The following DRC8 variants were observed in gnomAD, a reference collection of about 807,000 sequenced individuals.
DRC8 encodes dynein regulatory complex protein 8.
the DRC8 span, among the ~76,000 whole-genome samples, chr1:245,068,509 A>G: frequency 6.6e-6 from 1 of 152,006 alleles, no homozygotes; most frequent in Non-Finnish European, 1.5e-5. Flanking sequence ...TGGCAAGATC[A>G]TAGCTCACTG....
At chr1:245,118,809 A>AGAAAAGAAAAGAAAAGAAAG in the DRC8 span, among the ~76,000 whole-genome samples, 1 of 83,198 alleles carries the variant, frequency 1.2e-5, no homozygotes, top group Non-Finnish European at 2.6e-5. Context: ...AGAAAAGAAA[A>AGAAAAGAAAAGAAAAGAAAG]GAAAAGAAAA....
At chr1:245,045,486 A>C in the DRC8 span, among the ~76,000 whole-genome samples, 1 of 152,252 alleles carries the variant, frequency 6.6e-6, no homozygotes, top group African/African-American at 2.4e-5. Context: ...CAGCAGCTCC[A>C]GGGTCCAGAT....
the DRC8 span, among the ~76,000 whole-genome samples, chr1:245,097,214 A>G: frequency 9.0e-3 from 1,372 of 152,304 alleles, 20 homozygotes; most frequent in African/African-American, 0.032. The surrounding 1 kb of genome is among the most constrained non-coding windows in gnomAD (Gnocchi z 5.0). Context: ...GTGATATTCT[A>G]TGCTAGAAAC....
chr1:245,049,867 C>T, the DRC8 span, among the ~76,000 whole-genome samples: 3 of 152,164 alleles, frequency 2.0e-5, no homozygotes, highest in African/African-American at 4.8e-5. This position sits in a 1 kb window ranked among gnomAD's most constrained non-coding sequence, Gnocchi z 4.5. Flanking sequence ...CATTTGCTAC[C>T]GGTGTGATCT....
chr1:245,046,332 C>T, the DRC8 span, among the ~76,000 whole-genome samples: 1 of 152,092 alleles, frequency 6.6e-6, no homozygotes, highest in East Asian at 1.9e-4. Context: ...TGCAGACAGA[C>T]CTCGATCTCT....
At chr1:245,033,195 G>A in the DRC8 span, among the ~76,000 whole-genome samples, 1 of 152,186 alleles carries the variant, frequency 6.6e-6, no homozygotes, top group Non-Finnish European at 1.5e-5. Flanking sequence ...TGACCTTTAT[G>A]AACCCGCAGC....
At chr1:245,029,584 C>T in the DRC8 span, among the ~76,000 whole-genome samples, 5,593 of 151,632 alleles carry the variant, frequency 0.037, 154 homozygotes, top group Non-Finnish European at 0.056. Context: ...CAGGTGTGAG[C>T]CACTGTGCCC....
chr1:245,084,592 A>G, the DRC8 span, among the ~76,000 whole-genome samples: 3 of 152,174 alleles, frequency 2.0e-5, no homozygotes, highest in East Asian at 1.9e-4. Context: ...GCTGATGTGT[A>G]AATTTGTTTA....
the DRC8 span, chr1:245,017,457 G>A: frequency 5.1e-6 from 5 of 971,298 alleles, no homozygotes; most frequent in Non-Finnish European, 5.8e-6. Context: ...TATTTTCCAT[G>A]CTCCGTAAAA....
chr1:245,018,909 C>A, the DRC8 span, among the ~76,000 whole-genome samples: 1 of 152,152 alleles, frequency 6.6e-6, no homozygotes, highest in South Asian at 2.1e-4. Flanking sequence ...GTTTCTCTAA[C>A]GCCAAGTCTC....
chr1:245,073,800 A>T, the DRC8 span, among the ~76,000 whole-genome samples: 164 of 152,328 alleles, frequency 1.1e-3, no homozygotes, highest in African/African-American at 3.8e-3. Flanking sequence ...CTGTATATAC[A>T]GAAGTGATCT....
chr1:245,018,640 G>A, the DRC8 span, among the ~76,000 whole-genome samples: 3 of 152,086 alleles, frequency 2.0e-5, no homozygotes, highest in Admixed American at 2.0e-4. Flanking sequence ...CTCCTTGAAG[G>A]GTTCTCCTCC....
At chr1:244,985,137 A>G in the DRC8 span, among the ~76,000 whole-genome samples, 81,923 of 146,130 alleles carry the variant, frequency 0.56, 24,147 homozygotes, top group East Asian at 0.76. Flanking sequence ...CGCATTCTAC[A>G]CTTCATTATA....
chr1:245,030,585 G>A, the DRC8 span: 1 of 152,314 alleles, frequency 6.6e-6, no homozygotes, highest in Non-Finnish European at 1.5e-5. Context: ...TCACTCTGGT[G>A]ACTCCACATC....
At chr1:244,982,741 G>C in the DRC8 span, among the ~76,000 whole-genome samples, 2 of 151,990 alleles carry the variant, frequency 1.3e-5, no homozygotes, top group East Asian at 3.9e-4. Context: ...GAAATAACAT[G>C]TAATTGAATG....
chr1:245,064,838 T>C, the DRC8 span, among the ~76,000 whole-genome samples: 11 of 152,168 alleles, frequency 7.2e-5, no homozygotes, highest in East Asian at 3.9e-4. Context: ...ATTTTTTTTT[T>C]CCTGAAACTC....
chr1:245,114,644 C>T, the DRC8 span, among the ~76,000 whole-genome samples: 3 of 152,034 alleles, frequency 2.0e-5, no homozygotes, highest in East Asian at 1.9e-4. Context: ...CCTGCCTGTT[C>T]GTTTGGTGAA....
the DRC8 span, among the ~76,000 whole-genome samples, chr1:245,078,451 T>G: frequency 0.42 from 11,444 of 27,112 alleles, 492 homozygotes; most frequent in South Asian, 0.52. Context: ...AATGAGTGGA[T>G]AGTATATGTA....
chr1:245,034,691 C>T, the DRC8 span, among the ~76,000 whole-genome samples: 1 of 148,916 alleles, frequency 6.7e-6, no homozygotes, highest in African/African-American at 2.5e-5. Flanking sequence ...TCATTAAATG[C>T]CTATATAAAG....
Sources: gnomAD v4.1 joint callset for allele counts (sites outside exome capture counted in the v4.1 genomes callset) on GRCh38, gnomAD v4.1.1 for gene constraint, Gnocchi (gnomAD v3.1) non-coding constraint, MANE v1.5 for transcripts, NCBI Gene and HGNC (gene_info 2026-07-23, HGNC 2026-07-21) for gene names.